Variants in PGLYRP2 observed in about 807,000 individuals in gnomAD.
The protein encoded by PGLYRP2 is peptidoglycan recognition protein 2, also known as N-acetylmuramoyl-L-alanine amidase.
Under a neutral mutation model 46.2 loss-of-function variants are expected in PGLYRP2, and 38 were observed. That is an observed-to-expected ratio of 0.82 (90% confidence interval 0.64 to 1.08). The LOEUF is 1.08. Among genes scored for constraint, PGLYRP2 ranks in the 50% least tolerant of loss-of-function variants. PGLYRP2 has a pLI of 0.00. For synonymous variants in PGLYRP2, 289 were observed against 329.4 expected (o/e 0.88, Z 1.33); for missense variants, 713 against 755.9 (o/e 0.94, Z 0.67).
rs777955117 is a variant in PGLYRP2, at chr19:15,476,502, T to C, written c.168A>G (p.Ser56=). ...GATTGTGGGGGCCAGAGTTTGGAGCTGACATCAGCCACGCAGAAGCTGTGT... is the reference window on the plus strand; with the variant it reads ...GATTGTGGGGGCCAGAGTTTGGAGCCGACATCAGCCACGCAGAAGCTGTGT... The part of the protein sequence containing the change: ...TRHTASAWLM[S]APNSGPHNRL... Residue 56 remains serine (S), a synonymous_variant, in exon 2 of 5, where the codon TCA becomes TCG. Coordinates refer to ENST00000340880, the MANE Select transcript of PGLYRP2 (RefSeq NM_052890.4). The C allele has an allele frequency of 1.9e-6, 3 of 1,614,142 alleles. No homozygotes were observed. The highest frequency in any genetic ancestry group is 2.2e-5 in the South Asian group (2 of 91,080).
intron 3 of PGLYRP2, among the ~76,000 whole-genome samples, chr19:15,470,998 G>A (rs1488247067): frequency 6.6e-6 from 1 of 151,072 alleles, no homozygotes; most frequent in African/African-American, 2.4e-5. Context: ...AGAGTGCAGA[G>A]ATGCGATCAT....
chr19:15,470,260 C>CCTTA (rs1970733831), intron 3 of PGLYRP2, among the ~76,000 whole-genome samples: 1 of 118,824 alleles, frequency 8.4e-6, no homozygotes, highest in African/African-American at 3.5e-5. Context: ...TTCCTTCCTT[C>CCTTA]CTTCCTTCCT....
chr19:15,470,009 T>C, intron 3 of PGLYRP2, 80 bp from the exon 4 acceptor site: 1 of 1,313,764 alleles, frequency 7.6e-7, no homozygotes. Context: ...CCCGATTCTG[T>C]TGGTGTGCCA....
intron 2 of PGLYRP2, among the ~76,000 whole-genome samples, chr19:15,473,359 ATGTG>A (rs1970766347): frequency 6.6e-6 from 1 of 151,326 alleles, no homozygotes; most frequent in Non-Finnish European, 1.5e-5. Context: ...AATCCCAGCT[ATGTG>A]GGAGGCTGAG....
In PGLYRP2 at chr19:15,470,763, G is replaced by C. The variant is rs558602258; in HGVS notation, c.1344-834C>G. Among the ~76,000 whole-genome samples the C allele has an allele frequency of 1.1e-4, 16 of 151,894 alleles. No individual in the cohort carries two copies. In the East Asian group the frequency reaches 3.1e-3, roughly 30 times the overall value. ...AGGTTCAAGTGATTCTCCCGTCTCA[G>C]CCTCCCGACTAGCTGGGATTACAGG... On this transcript the variant is annotated intron_variant, in intron 3 of 4. Coordinates refer to ENST00000340880, the MANE Select transcript of PGLYRP2 (RefSeq NM_052890.4).
At chr19:15,468,886 A>C in intron 4 of PGLYRP2, 134 bp from the exon 5 acceptor site, 1 of 613,484 alleles carries the variant, frequency 1.6e-6, no homozygotes, top group East Asian at 2.7e-5. Flanking sequence ...AAAGCCAACT[A>C]TAGGCCGAGA....
chr19:15,472,876 A>C (rs1252959487), intron 2 of PGLYRP2, among the ~76,000 whole-genome samples: 1 of 152,190 alleles, frequency 6.6e-6, no homozygotes, highest in Non-Finnish European at 1.5e-5. Flanking sequence ...AAATAGCAAA[A>C]GCAATTCTAA....
rs762202772 is a variant in PGLYRP2 at position 15,468,654 on chromosome 19, A to G, written c.*9T>C. On this transcript the variant is annotated 3_prime_UTR_variant, in exon 5 of 5. Transcript: ENST00000340880. Reference sequence around the variant, plus strand: ...ATGCATGAACAGAGACTTTGTTTCCATGCTGTCTTTATTGGAGGTCTGTGG... The same window carrying G: ...ATGCATGAACAGAGACTTTGTTTCCGTGCTGTCTTTATTGGAGGTCTGTGG... 6 of 1,606,924 alleles carry G rather than the reference A, an allele frequency of 3.7e-6. No homozygotes were observed. Among genetic ancestry groups the G allele is most frequent in the Admixed American group, 1.7e-5 (1 of 58,434 alleles).
rs999024246 is a variant in PGLYRP2, at chr19:15,469,254, C to G, written c.1641+378G>C. The G allele has an allele frequency of 1.0e-5, 6 of 600,106 alleles. No individual in the cohort carries two copies. The highest frequency in any genetic ancestry group is 5.6e-5 in the African/African-American group (3 of 53,654). The allele number at this position is 600,106 out of a possible 1,614,324, so 37.2% of individuals were successfully genotyped here. On this transcript the variant is annotated intron_variant, in intron 4 of 4. Coordinates refer to ENST00000340880, the MANE Select transcript of PGLYRP2 (RefSeq NM_052890.4). This position sits in a 1 kb window ranked among gnomAD's most constrained non-coding sequence, Gnocchi z 4.9. Reference sequence around the variant, plus strand: ...GGCGGGCCAGGATGAGGTGGTGCAGCCTGACAGGTTGTGACTTGGGTAGAG... The same window carrying G: ...GGCGGGCCAGGATGAGGTGGTGCAGGCTGACAGGTTGTGACTTGGGTAGAG...
chr19:15,475,467 C>G, intron 2 of PGLYRP2, 71 bp downstream of exon 2: 1 of 1,439,822 alleles, frequency 6.9e-7, no homozygotes, highest in Non-Finnish European at 9.4e-7. Context: ...CCTCAACTTC[C>G]CTGAATATAC....
intron 4 of PGLYRP2, 50 bp from the exon 5 acceptor site, chr19:15,468,802 G>T: frequency 6.9e-7 from 1 of 1,456,320 alleles, no homozygotes; most frequent in South Asian, 1.2e-5. Flanking sequence ...GTGGTATGTG[G>T]CTGGGTCTGC....
intron 1 of PGLYRP2, among the ~76,000 whole-genome samples, chr19:15,477,543 C>T (rs1337964643): frequency 6.6e-6 from 1 of 151,100 alleles, no homozygotes; most frequent in Non-Finnish European, 1.5e-5. Flanking sequence ...ACTAAAAATA[C>T]AAAAATTAGC....
At chr19:15,477,800 G>A (rs1236918514) in intron 1 of PGLYRP2, among the ~76,000 whole-genome samples, 1 of 152,152 alleles carries the variant, frequency 6.6e-6, no homozygotes, top group Non-Finnish European at 1.5e-5. Context: ...GCCATGTTGG[G>A]GAAATGTCAG....
Position 15,471,871 on chromosome 19 carries a change from C to G in PGLYRP2, c.1343+19G>C. The G allele has an allele frequency of 2.5e-6, 4 of 1,608,180 alleles. No individual in the cohort carries two copies. The highest frequency in any genetic ancestry group is 3.4e-6 in the Non-Finnish European group (4 of 1,175,984). ...CCCGAACGTGGGCCCCGCCCCCTCC[C>G]CGGTCGGGCCCCTCCTACCTGTAGC... On this transcript the variant is annotated intron_variant, in intron 3 of 4. Coordinates refer to ENST00000340880, the MANE Select transcript of PGLYRP2 (RefSeq NM_052890.4).
chr19:15,474,428 A>C (rs1411819100), intron 2 of PGLYRP2, among the ~76,000 whole-genome samples: 1 of 152,228 alleles, frequency 6.6e-6, no homozygotes, highest in Non-Finnish European at 1.5e-5. Context: ...ATATCTACCC[A>C]AAGGAAAATA....
intron 1 of PGLYRP2, among the ~76,000 whole-genome samples, chr19:15,477,016 C>T (rs772834173): frequency 1.1e-4 from 16 of 152,034 alleles, no homozygotes; most frequent in Middle Eastern, 3.2e-3. Context: ...GAAGAGTCCC[C>T]AGATCGTGAG....
Position 15,476,505 on chromosome 19 carries a change from C to A in PGLYRP2, c.165G>T (p.Met55Ile). 6.2e-7 allele frequency: 1 copy of A among 1,614,172 alleles called. No homozygotes were observed. The highest frequency in any genetic ancestry group is 8.5e-7 in the Non-Finnish European group (1 of 1,180,020). Residue 55 changes from methionine to isoleucine, a missense_variant, in exon 2 of 5, where the codon ATG becomes ATT. Coordinates refer to ENST00000340880, the MANE Select transcript of PGLYRP2 (RefSeq NM_052890.4). ...TGTGGGGGCCAGAGTTTGGAGCTGA[C>A]ATCAGCCACGCAGAAGCTGTGTGTC... is the stretch of plus-strand genomic sequence containing the variant. Reference protein sequence around the residue: ...KTRHTASAWLMSAPNSGPHNR... With the variant: ...KTRHTASAWLISAPNSGPHNR...
At chr19:15,475,473 T>C in intron 2 of PGLYRP2, 65 bp downstream of exon 2, 3 of 1,451,384 alleles carry the variant, frequency 2.1e-6, no homozygotes, top group Non-Finnish European at 2.8e-6. Flanking sequence ...CTTCCCTGAA[T>C]ATACGGGGTG....
chr19:15,477,312 G>A lies in PGLYRP2; in HGVS notation c.62-704C>T, dbSNP rs1470157549. Among the ~76,000 whole-genome samples, 8 of 148,446 alleles carry A rather than the reference G, an allele frequency of 5.4e-5. No homozygotes were observed. The South Asian group carries it at 1.7e-3, about 31-fold the overall frequency. On this transcript the variant is annotated intron_variant, in intron 1 of 4. Transcript: ENST00000340880. ...GGAGGCTGAGACGGGAGAATCACTT[G>A]AACATGGGAGGTGGAGGTTGCAGTG...
Sources: gnomAD v4.1 joint callset for allele counts (sites outside exome capture counted in the v4.1 genomes callset) on GRCh38, gnomAD v4.1.1 for gene constraint, Gnocchi (gnomAD v3.1) non-coding constraint, MANE v1.5 for transcripts, NCBI Gene and HGNC (gene_info 2026-07-23, HGNC 2026-07-21) for gene names.